ANKRD6: variants seen among roughly 807,000 people sequenced by gnomAD.
ANKRD6 encodes ankyrin repeat domain-containing protein 6.
Under a neutral mutation model 82.3 loss-of-function variants are expected in ANKRD6, and 56 were observed. The ratio of observed to expected loss-of-function variants is 0.68; its 90% confidence interval spans 0.55 to 0.85. The LOEUF (loss-of-function observed/expected upper bound fraction) is 0.85. Among genes scored for constraint, ANKRD6 ranks in the 40% least tolerant of loss-of-function variants. ANKRD6 has a pLI of 0.00. For synonymous variants in ANKRD6, 347 were observed against 352.1 expected (o/e 0.99, Z 0.16); for missense variants, 852 against 907.6 (o/e 0.94, Z 0.79).
At chr6:89,488,779 C>G (rs1223528830) in intron 1 of ANKRD6, among the ~76,000 whole-genome samples, 1 of 152,172 alleles carries the variant, frequency 6.6e-6, no homozygotes, top group Non-Finnish European at 1.5e-5. Context: ...CTGTGACCCA[C>G]TATGAGAACT....
chr6:89,621,794 T>G (rs1334875413), intron 9 of ANKRD6, 128 bp from the exon 10 acceptor site: 1 of 886,090 alleles, frequency 1.1e-6, no homozygotes, highest in Non-Finnish European at 1.8e-6. Context: ...GCTTGCTTGA[T>G]GTGAACACCT....
At chr6:89,587,817 C>CA (rs1794081106) in intron 2 of ANKRD6, among the ~76,000 whole-genome samples, 1 of 152,156 alleles carries the variant, frequency 6.6e-6, no homozygotes, top group Non-Finnish European at 1.5e-5. Flanking sequence ...ATGTGTCACT[C>CA]ATGTAAGTAG....
chr6:89,433,854 C>G lies in ANKRD6; in HGVS notation c.-144+479C>G, dbSNP rs1346476517. On this transcript the variant is annotated intron_variant, in intron 1 of 15. Transcript: ENST00000339746. This position sits in a 1 kb window ranked among gnomAD's most constrained non-coding sequence, Gnocchi z 4.3. ...CAGTCGCAGGAGAGGGGCCGATACC[C>G]CTCAGGAGCCCCATCGGCGAAGCCT... 2.6e-5 allele frequency among the ~76,000 whole-genome samples: 4 copies of G among 152,248 alleles called. No homozygotes were observed. The highest frequency in any genetic ancestry group is 2.6e-4 in the Admixed American group (4 of 15,286).
chr6:89,581,685 T>G (rs1221817448), intron 2 of ANKRD6: 1 of 152,054 alleles, frequency 6.6e-6, no homozygotes, highest in Non-Finnish European at 1.5e-5. Flanking sequence ...GGGAGGGGAA[T>G]AGAAGAGGGG....
chr6:89,461,699 G>A (rs1020935655), intron 1 of ANKRD6, among the ~76,000 whole-genome samples: 3 of 152,108 alleles, frequency 2.0e-5, no homozygotes, highest in Non-Finnish European at 2.9e-5. Context: ...GCTCTCTAAT[G>A]TATTGTAGTT....
At chr6:89,483,788 A>G (rs1777058152) in intron 1 of ANKRD6, among the ~76,000 whole-genome samples, 2 of 152,246 alleles carry the variant, frequency 1.3e-5, no homozygotes, top group African/African-American at 4.8e-5. Context: ...GTGTATGTGC[A>G]TTTACAAGAA....
intron 1 of ANKRD6, among the ~76,000 whole-genome samples, chr6:89,562,024 T>G (rs1213797678): frequency 6.6e-6 from 1 of 152,196 alleles, no homozygotes; most frequent in East Asian, 1.9e-4. Flanking sequence ...AAATTCTGTC[T>G]TTAGAGACAG....
intron 1 of ANKRD6, among the ~76,000 whole-genome samples, chr6:89,507,762 C>T (rs1780049394): frequency 1.3e-5 from 2 of 152,176 alleles, no homozygotes. Flanking sequence ...ACATACACAT[C>T]TAATCCTACT....
chr6:89,605,680 C>T (rs1225019439), intron 4 of ANKRD6, among the ~76,000 whole-genome samples: 2 of 152,118 alleles, frequency 1.3e-5, no homozygotes, highest in Non-Finnish European at 2.9e-5. Flanking sequence ...TTCTGTTAAA[C>T]GAGAGCTGTG....
chr6:89,506,001 A>G (rs1779798900), intron 1 of ANKRD6, among the ~76,000 whole-genome samples: 1 of 152,220 alleles, frequency 6.6e-6, no homozygotes, highest in African/African-American at 2.4e-5. Context: ...GTGGAATCTT[A>G]AAAAGTCAAA....
intron 1 of ANKRD6, among the ~76,000 whole-genome samples, chr6:89,485,946 G>A (rs1292641275): frequency 3.9e-5 from 6 of 152,054 alleles, no homozygotes; most frequent in Admixed American, 1.3e-4. Flanking sequence ...TGAAGCATGC[G>A]TTTTAATTAA....
intron 3 of ANKRD6, chr6:89,598,545 C>A: frequency 3.0e-6 from 1 of 329,932 alleles, no homozygotes; most frequent in Non-Finnish European, 4.3e-6. Flanking sequence ...CCTTGCATGA[C>A]TGAAATCTGC....
At position 89,625,708 on chromosome 6, in the gene ANKRD6, C is replaced by T. The variant is rs142081553; in HGVS notation, c.1371+1017C>T. Among the ~76,000 whole-genome samples, 24 of 149,920 alleles carry T rather than the reference C, an allele frequency of 1.6e-4. No homozygotes were observed. In the East Asian group the frequency reaches 4.5e-3, roughly 28 times the overall value. On this transcript the variant is annotated intron_variant, in intron 13 of 15. Transcript: ENST00000339746. ...TATCCAGCCCATATTCAGATTTTCT[C>T]GGTTTTCGTAAAATAGTATTTGTTA...
rs1807496754 is a variant in ANKRD6 at position 89,632,010 on chromosome 6, CTT to C, written c.*1008_*1009del. 6.6e-6 allele frequency: 1 copy of C among 151,176 alleles called. No homozygotes were observed. The highest frequency in any genetic ancestry group is 2.1e-4 in the South Asian group (1 of 4,836). The allele number at this position is 151,176 out of a possible 1,614,324, so 9.4% of individuals were successfully genotyped here. On this transcript the variant is annotated 3_prime_UTR_variant, in exon 16 of 16. Coordinates refer to ENST00000339746, the MANE Select transcript of ANKRD6 (RefSeq NM_001242809.2). ...CCCCAACTTCATGGAGGCCAGAAGA[CTT>C]TACTTTGTTCCATAATGAAATATAA...
intron 1 of ANKRD6, among the ~76,000 whole-genome samples, chr6:89,457,490 A>G (rs908029894): frequency 6.6e-6 from 1 of 152,220 alleles, no homozygotes; most frequent in Non-Finnish European, 1.5e-5. Flanking sequence ...TTCTCACTTA[A>G]TGAGGTAATA....
At chr6:89,499,466 C>T (rs1463063354) in intron 1 of ANKRD6, among the ~76,000 whole-genome samples, 1 of 152,168 alleles carries the variant, frequency 6.6e-6, no homozygotes, top group Non-Finnish European at 1.5e-5. Context: ...CTGGTCTAGT[C>T]ATCTAGTCAT....
intron 1 of ANKRD6, among the ~76,000 whole-genome samples, chr6:89,438,024 T>G (rs1381972244): frequency 6.6e-6 from 1 of 152,146 alleles, no homozygotes; most frequent in Non-Finnish European, 1.5e-5. Flanking sequence ...GGTTTTAAAC[T>G]CAGATGAATG....
chr6:89,594,337 C>T (rs886538358), intron 2 of ANKRD6, among the ~76,000 whole-genome samples: 1 of 152,022 alleles, frequency 6.6e-6, no homozygotes, highest in African/African-American at 2.4e-5. Flanking sequence ...TGCCTGTGGT[C>T]CCAGCTACTC....
chr6:89,496,567 G>T (rs1396920674), intron 1 of ANKRD6, among the ~76,000 whole-genome samples: 1 of 152,130 alleles, frequency 6.6e-6, no homozygotes, highest in Non-Finnish European at 1.5e-5. Flanking sequence ...CTCTTCTCCA[G>T]GCTGGAGTGC....
Sources: allele counts gnomAD v4.1 joint callset (sites outside exome capture counted in the v4.1 genomes callset), GRCh38; gene constraint gnomAD v4.1.1; non-coding constraint Gnocchi (gnomAD v3.1); transcripts MANE v1.5; gene names NCBI Gene and HGNC (gene_info 2026-07-23, HGNC 2026-07-21).